The following MAML3 variants were observed in gnomAD, a reference collection of about 807,000 sequenced individuals.
The protein encoded by MAML3 is mastermind-like protein 3.
Under a neutral mutation model 101.9 loss-of-function variants are expected in MAML3, and 27 were observed. The ratio of observed to expected loss-of-function variants is 0.27; its 90% confidence interval spans 0.20 to 0.37. MAML3 has a LOEUF of 0.37. Ranked by LOEUF, MAML3 falls within the 10% of genes least tolerant of loss-of-function variation. MAML3 has a pLI of 1.00. For missense variants in MAML3, 1,316 were observed against 1,444.9 expected (o/e 0.91, Z 1.45); for synonymous variants, 501 against 555.9 (o/e 0.90, Z 1.39).
chr4:139,929,767 G>A (rs547292700), intron 1 of MAML3, among the ~76,000 whole-genome samples: 1 of 152,342 alleles, frequency 6.6e-6, no homozygotes, highest in Admixed American at 6.5e-5. Flanking sequence ...TGAAAGGAAA[G>A]AGCTAAATGT....
chr4:140,011,233 C>CAT (rs70943468), intron 1 of MAML3, among the ~76,000 whole-genome samples: 61,623 of 119,768 alleles, frequency 0.51, 16,244 homozygotes, highest in Non-Finnish European at 0.6. Context: ...ATAAAGTGTG[C>CAT]ATATATATAT....
chr4:140,073,197 G>C (rs1245410669), intron 1 of MAML3, among the ~76,000 whole-genome samples: 1 of 151,852 alleles, frequency 6.6e-6, no homozygotes, highest in Admixed American at 6.6e-5. Context: ...GAGCGCAGTG[G>C]CAAGATCTTG....
chr4:140,085,860 G>A (rs1283207449), intron 1 of MAML3, among the ~76,000 whole-genome samples: 1 of 152,110 alleles, frequency 6.6e-6, no homozygotes, highest in Non-Finnish European at 1.5e-5. Context: ...ACTGAAAACC[G>A]TCGTTTTTTA....
In MAML3 at chr4:139,890,446, G is replaced by C. The variant is rs761733625; in HGVS notation, c.990C>G (p.Asn330Lys). 1 of 1,611,478 alleles carries C rather than the reference G, an allele frequency of 6.2e-7. No homozygotes were observed. The highest frequency in any genetic ancestry group is 8.5e-7 in the Non-Finnish European group (1 of 1,177,854). ...GCTCCTTCTTCTCTTCAAAGTCTTC[G>C]TTGAACAGGTCCTGTATGTCATCCT... ...VPEDDIQDLF[N>K]EDFEEKKEPE... The change falls in exon 2 of 5, where the codon AAC becomes AAG. Residue 330 changes from asparagine to lysine, a missense_variant. Physicochemically the swap from Asn to Lys is moderately conservative, Grantham distance 94. Coordinates refer to ENST00000509479, the MANE Select transcript of MAML3 (RefSeq NM_018717.5). This position sits in a 1 kb window ranked among gnomAD's most constrained non-coding sequence, Gnocchi z 4.1.
chr4:139,958,663 C>T (rs1733954053), intron 1 of MAML3, among the ~76,000 whole-genome samples: 1 of 152,158 alleles, frequency 6.6e-6, no homozygotes. Context: ...ATGCAAGAAA[C>T]CAGAGCCAGA....
chr4:139,736,252 A>G (rs1009234639), intron 2 of MAML3, among the ~76,000 whole-genome samples: 1 of 152,156 alleles, frequency 6.6e-6, no homozygotes, highest in Non-Finnish European at 1.5e-5. Flanking sequence ...CCAACCTCTC[A>G]CCAGAATCCA....
intron 2 of MAML3, among the ~76,000 whole-genome samples, chr4:139,790,363 C>T (rs1314592726): frequency 6.7e-6 from 1 of 150,102 alleles, no homozygotes; most frequent in Non-Finnish European, 1.5e-5. Context: ...GCTTTATGTA[C>T]AGAACAAACC....
chr4:139,853,672 T>C (rs1731601170), intron 2 of MAML3, among the ~76,000 whole-genome samples: 1 of 152,050 alleles, frequency 6.6e-6, no homozygotes, highest in Admixed American at 6.5e-5. Flanking sequence ...CTTTAGGCAC[T>C]GCAGTCAGAA....
chr4:139,965,405 G>A (rs1291763147), intron 1 of MAML3, among the ~76,000 whole-genome samples: 1 of 152,126 alleles, frequency 6.6e-6, no homozygotes, highest in Non-Finnish European at 1.5e-5. Context: ...GGCAGCCTCT[G>A]TGGCCATAAC....
intron 1 of MAML3, among the ~76,000 whole-genome samples, chr4:139,964,966 C>T (rs571303540): frequency 3.0e-4 from 45 of 152,112 alleles, no homozygotes; most frequent in Middle Eastern, 6.8e-3. Context: ...TTGGCTTTAC[C>T]GAATATAAAA....
At chr4:139,811,513 G>A (rs1296674966) in intron 2 of MAML3, among the ~76,000 whole-genome samples, 1 of 152,198 alleles carries the variant, frequency 6.6e-6, no homozygotes, top group Non-Finnish European at 1.5e-5. Flanking sequence ...GGTTTCCTGG[G>A]ATAGTTCTAG....
chr4:139,995,894 T>C (rs991019889), intron 1 of MAML3, among the ~76,000 whole-genome samples: 1 of 152,116 alleles, frequency 6.6e-6, no homozygotes, highest in Non-Finnish European at 1.5e-5. Context: ...ATTTACTTGA[T>C]ACCATTTTTC....
At chr4:139,894,542 AG>A (rs1732568587) in intron 1 of MAML3, among the ~76,000 whole-genome samples, 1 of 151,856 alleles carries the variant, frequency 6.6e-6, no homozygotes, top group African/African-American at 2.4e-5. Flanking sequence ...AAAGAAAGAA[AG>A]AAAGAAAGAA....
At chr4:139,779,117 A>G (rs1035081973) in intron 2 of MAML3, among the ~76,000 whole-genome samples, 2 of 152,184 alleles carry the variant, frequency 1.3e-5, no homozygotes, top group African/African-American at 4.8e-5. Context: ...AGGTTTCTGT[A>G]GGCCGTGCAC....
At chr4:140,027,004 A>T (rs1444405499) in intron 1 of MAML3, among the ~76,000 whole-genome samples, 2 of 152,164 alleles carry the variant, frequency 1.3e-5, no homozygotes, top group Non-Finnish European at 2.9e-5. Flanking sequence ...TTAAAAACTA[A>T]ATTAAAAACA....
chr4:140,049,086 G>A (rs919930626), intron 1 of MAML3, among the ~76,000 whole-genome samples: 3 of 152,120 alleles, frequency 2.0e-5, no homozygotes, highest in African/African-American at 7.2e-5. Context: ...AGGCAGTTTG[G>A]GGGCAGAAAG....
At position 139,890,612 on chromosome 4, in the gene MAML3, T is replaced by C. The variant is rs762856870; in HGVS notation, c.824A>G (p.Lys275Arg). 21 of 1,613,994 alleles carry C rather than the reference T, an allele frequency of 1.3e-5. No homozygotes were observed. The highest frequency in any genetic ancestry group is 2.2e-5 in the South Asian group (2 of 91,076). ...SFTILQSKDL[K>R]QEPLDDPTCI... ...AGTAGGGTCATCGAGAGGTTCTTGT[T>C]TGAGGTCTTTGCTCTGCAAGATGGT... is the stretch of plus-strand genomic sequence containing the variant. Residue 275 changes from lysine (K) to arginine (R), a missense_variant, in exon 2 of 5, where the codon AAA becomes AGA. Lys to Arg is a conservative substitution (Grantham distance 26). Transcript: ENST00000509479. The surrounding 1 kb of genome is among the most constrained non-coding windows in gnomAD (Gnocchi z 4.1).
intron 1 of MAML3, among the ~76,000 whole-genome samples, chr4:140,062,873 CAGG>C (rs1288418059): frequency 6.6e-6 from 1 of 152,204 alleles, no homozygotes; most frequent in Non-Finnish European, 1.5e-5. Flanking sequence ...GTCTACTCAT[CAGG>C]AGAAGAGGTT....
chr4:140,122,994 C>G (rs543302384), intron 1 of MAML3, among the ~76,000 whole-genome samples: 124 of 152,088 alleles, frequency 8.2e-4, no homozygotes, highest in African/African-American at 2.6e-3. Flanking sequence ...ACTCCAATCT[C>G]TCCTATTCTC....
Sources: allele counts gnomAD v4.1 joint callset (sites outside exome capture counted in the v4.1 genomes callset), GRCh38; gene constraint gnomAD v4.1.1; non-coding constraint Gnocchi (gnomAD v3.1); transcripts MANE v1.5; gene names NCBI Gene and HGNC (gene_info 2026-07-23, HGNC 2026-07-21).